TMPRSS15: variants seen among roughly 807,000 people sequenced by gnomAD.
The protein encoded by TMPRSS15 is enteropeptidase.
Under a neutral mutation model 125.3 loss-of-function variants are expected in TMPRSS15, and 128 were observed. The ratio of observed to expected loss-of-function variants is 1.02; its 90% CI spans 0.89 to 1.18. The LOEUF (loss-of-function observed/expected upper bound fraction) is 1.18, where lower values mean the gene tolerates loss of function less well. Ranked by LOEUF, TMPRSS15 falls within the 50% of genes most tolerant of loss-of-function variation. TMPRSS15 has a pLI of 0.00. For missense variants in TMPRSS15, 1,283 were observed against 1,212.7 expected, an observed-to-expected ratio of 1.06 and a Z score of -0.86; for synonymous variants, 446 against 423.2, an observed-to-expected ratio of 1.05 and a Z score of -0.66.
chr21:18,289,324 C>A (rs1479764463), intron 21 of TMPRSS15, among the ~76,000 whole-genome samples: 3 of 152,104 alleles, frequency 2.0e-5, no homozygotes, highest in African/African-American at 7.2e-5. Context: ...ACCAGCCTGA[C>A]CAACATGGAG....
In TMPRSS15 at chr21:18,380,167, TCACACA is replaced by T. The variant is rs34787707; in HGVS notation, c.497-855_497-850del. Among the ~76,000 whole-genome samples the T allele has an allele frequency of 8.3e-4, 116 of 139,504 alleles. 1 individual carries two copies. The highest frequency in any genetic ancestry group is 4.1e-3 in the South Asian group (17 of 4,126). 91.5% of individuals were successfully genotyped at this position (139,504 alleles called of 152,430 possible). ...TGATTTGGAGCCGTTTATGGAGATG[TCACACA>T]CACACACACACACACACACACACAC... On this transcript the variant is annotated intron_variant, in intron 4 of 24. Transcript: ENST00000284885.
At chr21:18,433,234 A>G (rs931067261) in intron 1 of TMPRSS15, among the ~76,000 whole-genome samples, 3 of 152,166 alleles carry the variant, frequency 2.0e-5, no homozygotes, top group African/African-American at 7.2e-5. Context: ...AAAGATGGAA[A>G]AGAATGGCCT....
At chr21:18,286,228 T>A (rs2074761821) in intron 21 of TMPRSS15, among the ~76,000 whole-genome samples, 1 of 152,206 alleles carries the variant, frequency 6.6e-6, no homozygotes, top group African/African-American at 2.4e-5. Flanking sequence ...TCTTAAACTC[T>A]AAATTTTAGA....
intron 1 of TMPRSS15, among the ~76,000 whole-genome samples, chr21:18,421,858 A>C (rs570535982): frequency 5.9e-5 from 9 of 152,350 alleles, no homozygotes; most frequent in African/African-American, 2.2e-4. Context: ...TGCTCTGAGA[A>C]AAATGATTAT....
Position 18,343,928 on chromosome 21 carries a change from G to A in TMPRSS15, c.1277+27C>T. 4 of 1,585,124 alleles carry A rather than the reference G, an allele frequency of 2.5e-6. No individual in the cohort carries two copies. In the South Asian group the frequency reaches 3.3e-5, roughly 13 times the overall value. On this transcript the variant is annotated intron_variant, in intron 11 of 24. Coordinates refer to ENST00000284885, the MANE Select transcript of TMPRSS15 (RefSeq NM_002772.3). ...GCAATGTTACCCATTAAAAAAGACA[G>A]CGTTTAAACAGGTGTCTACAACATA...
At chr21:18,370,400 A>AATT (rs1403717025) in intron 6 of TMPRSS15, among the ~76,000 whole-genome samples, 11 of 152,122 alleles carry the variant, frequency 7.2e-5, no homozygotes, top group Non-Finnish European at 1.3e-4. Flanking sequence ...CCTCTATTTA[A>AATT]GGATATTGAT....
At chr21:18,432,317 T>C (rs999282431) in intron 1 of TMPRSS15, among the ~76,000 whole-genome samples, 1 of 152,210 alleles carries the variant, frequency 6.6e-6, no homozygotes, top group African/African-American at 2.4e-5. Context: ...GAGCTATTTA[T>C]GTAATATTTA....
chr21:18,485,478 G>GA (rs1979061384), intron 1 of TMPRSS15, among the ~76,000 whole-genome samples: 1 of 151,890 alleles, frequency 6.6e-6, no homozygotes, highest in Non-Finnish European at 1.5e-5. Flanking sequence ...TCAGGTTAGA[G>GA]AAATTTCACA....
chr21:18,269,761 G>A lies in TMPRSS15; in HGVS notation c.*208C>T. ...ACAATGAAATACAAATGTATTTAAT[G>A]GTATTTTAAAGTTATTCTGTATTGC... On this transcript the variant is annotated 3_prime_UTR_variant, in exon 25 of 25. Coordinates refer to ENST00000284885, the MANE Select transcript of TMPRSS15 (RefSeq NM_002772.3). 2 of 530,064 alleles carry A rather than the reference G, an allele frequency of 3.8e-6. No homozygotes were observed. 32.8% of individuals were successfully genotyped at this position (530,064 alleles called of 1,614,324 possible).
At chr21:18,325,772 T>A (rs1267689745) in intron 16 of TMPRSS15, among the ~76,000 whole-genome samples, 1 of 151,988 alleles carries the variant, frequency 6.6e-6, no homozygotes, top group Non-Finnish European at 1.5e-5. Flanking sequence ...GATTGTTGAA[T>A]GCAAATATAT....
At chr21:18,349,214 C>A (rs1220095260) in intron 10 of TMPRSS15, among the ~76,000 whole-genome samples, 1 of 152,172 alleles carries the variant, frequency 6.6e-6, no homozygotes, top group Non-Finnish European at 1.5e-5. Context: ...ATATTATGAA[C>A]CTCATTTGTC....
At chr21:18,385,431 G>A (rs911648679) in intron 3 of TMPRSS15, among the ~76,000 whole-genome samples, 10 of 152,080 alleles carry the variant, frequency 6.6e-5, no homozygotes, top group South Asian at 2.1e-4. Flanking sequence ...GGTTTTATTC[G>A]TGGGTGTATT....
In TMPRSS15 at chr21:18,269,429, G is replaced by T. The variant is rs1227446667; in HGVS notation, c.*540C>A. The T allele has an allele frequency of 6.5e-6, 1 of 153,194 alleles. No homozygotes were observed. The highest frequency in any genetic ancestry group is 1.5e-5 in the Non-Finnish European group (1 of 68,860). 9.5% of individuals were successfully genotyped at this position (153,194 alleles called of 1,614,324 possible). A position where few individuals can be genotyped will look rare whatever the true frequency, so the allele number is the denominator to read the frequency against. On this transcript the variant is annotated 3_prime_UTR_variant, in exon 25 of 25. Coordinates refer to ENST00000284885, the MANE Select transcript of TMPRSS15 (RefSeq NM_002772.3). ...CTGTGACATAAGCTTACAATAAATAGTTTCTATTGGTTGGGAAAATACTAA... is the reference window on the plus strand; with the variant it reads ...CTGTGACATAAGCTTACAATAAATATTTTCTATTGGTTGGGAAAATACTAA...
intron 21 of TMPRSS15, among the ~76,000 whole-genome samples, chr21:18,284,818 T>G (rs938712364): frequency 1.3e-5 from 2 of 151,986 alleles, no homozygotes; most frequent in African/African-American, 4.8e-5. Flanking sequence ...CTGGCCAACA[T>G]GGTGAAACCC....
At chr21:18,277,382 T>A (rs565775606) in intron 23 of TMPRSS15, among the ~76,000 whole-genome samples, 1 of 152,322 alleles carries the variant, frequency 6.6e-6, no homozygotes, top group East Asian at 1.9e-4. Context: ...GTTAATTTGT[T>A]TTTGAAGAGC....
intron 18 of TMPRSS15, among the ~76,000 whole-genome samples, chr21:18,310,625 A>G (rs549260267): frequency 6.6e-6 from 1 of 152,236 alleles, no homozygotes; most frequent in South Asian, 2.1e-4. Flanking sequence ...TAAAATAACA[A>G]TACTACCCAA....
At chr21:18,321,739 C>G (rs1295644207) in intron 16 of TMPRSS15, among the ~76,000 whole-genome samples, 2 of 152,202 alleles carry the variant, frequency 1.3e-5, no homozygotes, top group Non-Finnish European at 2.9e-5. Context: ...CTCGCTTTCC[C>G]TTACCAGCTT....
chr21:18,345,740 C>CAAAAAAAAAAAAA (rs1235619873), intron 10 of TMPRSS15, among the ~76,000 whole-genome samples: 838 of 15,534 alleles, frequency 0.054, 267 homozygotes, highest in Non-Finnish European at 0.078. Context: ...GACTCCGTCT[C>CAAAAAAAAAAAAA]AAAAAAAAAA....
intron 7 of TMPRSS15, among the ~76,000 whole-genome samples, chr21:18,363,843 C>T (rs1176517590): frequency 1.3e-5 from 2 of 151,984 alleles, no homozygotes; most frequent in Non-Finnish European, 1.5e-5. Context: ...CTTAGAACTG[C>T]CATTTTTAAT....
Sources: allele counts gnomAD v4.1 joint callset (sites outside exome capture counted in the v4.1 genomes callset), GRCh38; gene constraint gnomAD v4.1.1; transcripts MANE v1.5; gene names NCBI Gene and HGNC (gene_info 2026-07-23, HGNC 2026-07-21).